The following EXOC4 variants were observed in gnomAD, a reference collection of about 807,000 sequenced individuals.
EXOC4 encodes the protein SEC8-like 1.
A neutral mutation model predicts 107.2 loss-of-function variants in EXOC4; 71 were observed. The observed-to-expected ratio is 0.66, with a 90% CI of 0.55 to 0.81. The LOEUF (loss-of-function observed/expected upper bound fraction) is 0.81, where lower values mean the gene tolerates loss of function less well. Among genes scored for constraint, EXOC4 ranks in the 30% least tolerant of loss-of-function variants. The pLI is 0.00. For synonymous variants in EXOC4, 456 were observed against 441.2 expected (o/e 1.03, Z -0.42); for missense variants, 1,108 against 1,189.6 (o/e 0.93, Z 1.01).
At position 134,036,446 on chromosome 7, in the gene EXOC4, G is replaced by A. The variant is rs138145775; in HGVS notation, c.2688-27845G>A. ...CTATCAAAAATACAAAAATTATCTG[G>A]GTGTGGTGGTGCATGCCTGTTGTCC... On this transcript the variant is annotated intron_variant, in intron 17 of 17. Transcript: ENST00000253861. Among the ~76,000 whole-genome samples, 1,367 of 152,214 alleles carry A rather than the reference G, an allele frequency of 9.0e-3. 20 individuals are homozygous for A. The highest frequency in any genetic ancestry group is 0.031 in the African/African-American group (1,274 of 41,512).
chr7:133,476,037 G>C (rs868561376), intron 8 of EXOC4, among the ~76,000 whole-genome samples: 1 of 152,026 alleles, frequency 6.6e-6, no homozygotes, highest in Non-Finnish European at 1.5e-5. Context: ...GTAACAACAG[G>C]TACCACTGAT....
Position 133,954,558 on chromosome 7 carries a change from C to T in EXOC4, c.2206+16489C>T, listed in dbSNP as rs141299113. ...TATTAATCTGGACACAAATATTTTT[C>T]GCTGTTGGAATATATAATCAAAGAG... On this transcript the variant is annotated intron_variant, in intron 14 of 17. Coordinates refer to ENST00000253861, the MANE Select transcript of EXOC4 (RefSeq NM_021807.4). 2.3e-3 allele frequency among the ~76,000 whole-genome samples: 352 copies of T among 152,272 alleles called. 1 individual carries two copies. Among genetic ancestry groups the T allele is most frequent in the Admixed American group, 2.7e-3 (42 of 15,300 alleles).
At chr7:133,980,079 T>C (rs902584171) in intron 14 of EXOC4, among the ~76,000 whole-genome samples, 5 of 152,196 alleles carry the variant, frequency 3.3e-5, no homozygotes, top group African/African-American at 1.2e-4. Context: ...TTAATCCCTT[T>C]TCTCTCCTGC....
At chr7:133,610,398 G>C (rs965053135) in intron 9 of EXOC4, among the ~76,000 whole-genome samples, 1 of 152,152 alleles carries the variant, frequency 6.6e-6, no homozygotes, top group African/African-American at 2.4e-5. Context: ...TCATAAGAAA[G>C]TCATTACTTT....
rs144991963 is a variant in EXOC4 at position 133,330,885 on chromosome 7, C to T, written c.763+13495C>T. On this transcript the variant is annotated intron_variant, in intron 5 of 17. Coordinates refer to ENST00000253861, the MANE Select transcript of EXOC4 (RefSeq NM_021807.4). ...TCTCACTGGGAGCTGCAAACCGGAG[C>T]TGTTCCTATTCGGCCATCTTGCCAG... 6.0e-3 allele frequency among the ~76,000 whole-genome samples: 911 copies of T among 151,804 alleles called. 10 individuals are homozygous for T. Among genetic ancestry groups the T allele is most frequent in the African/African-American group, 0.017 (724 of 41,406 alleles).
At chr7:133,783,026 C>T (rs1307573965) in intron 10 of EXOC4, among the ~76,000 whole-genome samples, 2 of 152,060 alleles carry the variant, frequency 1.3e-5, no homozygotes, top group East Asian at 1.9e-4. Flanking sequence ...TACTTAACAT[C>T]GCCGTGCCTC....
chr7:133,947,022 G>T (rs1268851543), intron 14 of EXOC4, among the ~76,000 whole-genome samples: 1 of 152,174 alleles, frequency 6.6e-6, no homozygotes, highest in Non-Finnish European at 1.5e-5. Flanking sequence ...ATTTGACTTT[G>T]AAGTCTGACG....
chr7:133,909,612 A>G (rs918162532), intron 12 of EXOC4, among the ~76,000 whole-genome samples: 19 of 152,218 alleles, frequency 1.2e-4, no homozygotes, highest in Non-Finnish European at 7.4e-5. Context: ...CTGGCTGCAC[A>G]TGAGAATCAC....
At chr7:134,038,745 C>T (rs559230970) in intron 17 of EXOC4, among the ~76,000 whole-genome samples, 1 of 152,266 alleles carries the variant, frequency 6.6e-6, no homozygotes, top group South Asian at 2.1e-4. Flanking sequence ...AGAGCAGCCA[C>T]ACCACAGGCT....
chr7:133,732,122 C>T (rs1795340280), intron 10 of EXOC4, among the ~76,000 whole-genome samples: 1 of 152,124 alleles, frequency 6.6e-6, no homozygotes, highest in African/African-American at 2.4e-5. Context: ...TAAAAAGGAA[C>T]AAGATCCTGT....
chr7:133,631,857 G>A lies in EXOC4; in HGVS notation c.1514+1716G>A, dbSNP rs534965609. Among the ~76,000 whole-genome samples the A allele has an allele frequency of 1.5e-3, 223 of 152,056 alleles. 1 individual carries two copies. Among genetic ancestry groups the A allele is most frequent in the African/African-American group, 5.1e-3 (212 of 41,512 alleles). ...GTAATGTTGCTAATTGTTAGAAATT[G>A]GAAAATACCTTAATCATGATAGGCA... is the stretch of plus-strand genomic sequence containing the variant. On this transcript the variant is annotated intron_variant, in intron 10 of 17. Transcript: ENST00000253861.
chr7:133,258,518 T>C (rs1750725618), intron 1 of EXOC4, among the ~76,000 whole-genome samples: 1 of 152,212 alleles, frequency 6.6e-6, no homozygotes, highest in African/African-American at 2.4e-5. Flanking sequence ...TAATACAATC[T>C]GTGTTTTTTT....
chr7:133,525,127 T>C (rs1039851059), intron 9 of EXOC4, among the ~76,000 whole-genome samples: 3 of 152,186 alleles, frequency 2.0e-5, no homozygotes, highest in African/African-American at 7.2e-5. Context: ...GAGTGCTTCA[T>C]AGTGTCCCTT....
intron 10 of EXOC4, among the ~76,000 whole-genome samples, chr7:133,676,457 C>G (rs1562903040): frequency 6.6e-6 from 1 of 152,148 alleles, no homozygotes; most frequent in Non-Finnish European, 1.5e-5. Context: ...AGCCTCAAGT[C>G]TAGACTGAAT....
intron 10 of EXOC4, among the ~76,000 whole-genome samples, chr7:133,745,911 G>A (rs549934024): frequency 4.1e-4 from 62 of 152,102 alleles, no homozygotes; most frequent in African/African-American, 1.4e-3. Context: ...CAATAAGTAC[G>A]TGTTAAGTGA....
At chr7:133,867,456 A>G (rs896057601) in intron 11 of EXOC4, among the ~76,000 whole-genome samples, 4 of 152,212 alleles carry the variant, frequency 2.6e-5, no homozygotes, top group Non-Finnish European at 5.9e-5. Flanking sequence ...GGGCAGTCTC[A>G]GCTTCCTCTC....
At chr7:133,634,768 C>T (rs1412174849) in intron 10 of EXOC4, among the ~76,000 whole-genome samples, 1 of 152,168 alleles carries the variant, frequency 6.6e-6, no homozygotes, top group African/African-American at 2.4e-5. Context: ...AGGTGTGAGC[C>T]ACTATGCTCA....
intron 9 of EXOC4, chr7:133,576,617 C>T (rs937604062): frequency 7.8e-7 from 1 of 1,289,606 alleles, no homozygotes; most frequent in Non-Finnish European, 1.0e-6. Context: ...TAGAGATAAC[C>T]ACCTAGCTAT....
At chr7:133,603,015 G>T (rs1276492359) in intron 9 of EXOC4, among the ~76,000 whole-genome samples, 1 of 152,114 alleles carries the variant, frequency 6.6e-6, no homozygotes, top group Non-Finnish European at 1.5e-5. Flanking sequence ...CCCAGTTAAT[G>T]ATATGCTCTT....
Sources: allele counts gnomAD v4.1 joint callset (sites outside exome capture counted in the v4.1 genomes callset), GRCh38; gene constraint gnomAD v4.1.1; transcripts MANE v1.5; gene names NCBI Gene and HGNC (gene_info 2026-07-23, HGNC 2026-07-21).